The following NECAB1 variants were observed in gnomAD, a reference collection of about 807,000 sequenced individuals.
The protein encoded by NECAB1 is N-terminal EF-hand calcium binding protein 1, also known as N-terminal EF-hand calcium-binding protein 1.
In NECAB1, 29 loss-of-function variants were observed where a neutral mutation model predicts 57.5. The observed-to-expected ratio is 0.50, with a 90% CI of 0.38 to 0.69. NECAB1 has a LOEUF of 0.69. Ranked by LOEUF, NECAB1 falls within the 30% of genes least tolerant of loss-of-function variation. The pLI is 0.00. For synonymous variants in NECAB1, 142 were observed against 147.7 expected (o/e 0.96, Z 0.28); for missense variants, 372 against 413.8 (o/e 0.90, Z 0.88).
chr8:90,916,486 T>C (rs1459743132), intron 5 of NECAB1, among the ~76,000 whole-genome samples: 1 of 152,214 alleles, frequency 6.6e-6, no homozygotes, highest in Admixed American at 6.5e-5. Flanking sequence ...ATCCGTGGTA[T>C]TGTGTTATCA....
chr8:90,881,238 G>A (rs900397039), intron 5 of NECAB1, 108 bp downstream of exon 5: 10 of 739,046 alleles, frequency 1.4e-5, no homozygotes, highest in Non-Finnish European at 2.0e-5. Flanking sequence ...ATCACTGATA[G>A]TTTATTTTTC....
intron 3 of NECAB1, among the ~76,000 whole-genome samples, chr8:90,831,386 T>G (rs1028682404): frequency 3.9e-5 from 6 of 152,110 alleles, no homozygotes; most frequent in Non-Finnish European, 5.9e-5. Context: ...GCAGATCAAA[T>G]AACTGCTTAT....
chr8:90,904,705 T>TA lies in NECAB1; in HGVS notation c.358-12779dup, dbSNP rs542583334. ...GAAAATTAGCAGAGAAGACAAATAA[T>TA]AAAAAAAATTGTATATCTATAAACC... On this transcript the variant is annotated intron_variant, in intron 5 of 12. Coordinates refer to ENST00000417640, the MANE Select transcript of NECAB1 (RefSeq NM_022351.5). Among the ~76,000 whole-genome samples, 202 of 151,656 alleles carry TA rather than the reference T, an allele frequency of 1.3e-3. 2 individuals are homozygous for TA. Among genetic ancestry groups the TA allele is most frequent in the South Asian group, 7.9e-3 (38 of 4,822 alleles).
intron 3 of NECAB1, among the ~76,000 whole-genome samples, chr8:90,856,489 T>C (rs915926486): frequency 2.0e-5 from 3 of 152,188 alleles, no homozygotes; most frequent in African/African-American, 7.2e-5. Context: ...ATGGGCAACC[T>C]TCTTTAAACA....
At chr8:90,867,701 A>C (rs1808545895) in intron 3 of NECAB1, among the ~76,000 whole-genome samples, 1 of 152,238 alleles carries the variant, frequency 6.6e-6, no homozygotes. Flanking sequence ...ATACATTGTA[A>C]AATTATACAA....
chr8:90,798,294 A>T (rs540678366), intron 1 of NECAB1, among the ~76,000 whole-genome samples: 1 of 152,186 alleles, frequency 6.6e-6, no homozygotes, highest in African/African-American at 2.4e-5. Context: ...TTTTCTTTTT[A>T]TAACTTAAAG....
chr8:90,832,175 G>T (rs914056921), intron 3 of NECAB1, among the ~76,000 whole-genome samples: 53 of 152,128 alleles, frequency 3.5e-4, no homozygotes, highest in African/African-American at 1.2e-3. Context: ...CTTGCTTTGA[G>T]AATCTTTGAT....
chr8:90,880,371 T>A (rs1272056996), intron 4 of NECAB1, among the ~76,000 whole-genome samples: 2 of 152,148 alleles, frequency 1.3e-5, no homozygotes, highest in African/African-American at 4.8e-5. Flanking sequence ...TAGATTTCTA[T>A]AAGTAAATAT....
chr8:90,824,039 T>C (rs1242642201), intron 2 of NECAB1, among the ~76,000 whole-genome samples: 2 of 156 alleles, frequency 0.013, no homozygotes, highest in African/African-American at 0.05. Flanking sequence ...AAGAATCTTT[T>C]GTTACCCAAA....
intron 3 of NECAB1, among the ~76,000 whole-genome samples, chr8:90,841,827 G>A (rs1165081866): frequency 1.3e-5 from 2 of 152,222 alleles, no homozygotes; most frequent in African/African-American, 4.8e-5. Context: ...ATGGCATGAG[G>A]AGGCATCTCA....
chr8:90,821,521 TGCCTCCTA>T (rs374135838), intron 2 of NECAB1, among the ~76,000 whole-genome samples: 365 of 151,948 alleles, frequency 2.4e-3, no homozygotes, highest in African/African-American at 8.5e-3. Flanking sequence ...AGTCTTTTCT[TGCCTCCTA>T]GCCTTGTCAT....
intron 4 of NECAB1, 44 bp downstream of exon 4, chr8:90,872,197 G>A (rs1168556868): frequency 2.8e-6 from 4 of 1,440,284 alleles, no homozygotes; most frequent in African/African-American, 1.4e-5. Flanking sequence ...ACTTGCTTAA[G>A]AAGGAAAAAG....
intron 3 of NECAB1, among the ~76,000 whole-genome samples, chr8:90,834,164 CAAAAAAAAAA>C (rs71560282): frequency 6.1e-5 from 3 of 49,138 alleles, no homozygotes; most frequent in Non-Finnish European, 1.2e-4. Flanking sequence ...AACTGTGTCT[CAAAAAAAAAA>C]AAAAAAAAAA....
At chr8:90,925,814 G>A (rs556933495) in intron 7 of NECAB1, among the ~76,000 whole-genome samples, 158 bp downstream of exon 7, 2 of 152,328 alleles carry the variant, frequency 1.3e-5, no homozygotes, top group East Asian at 3.9e-4. Flanking sequence ...GTAGTATGAA[G>A]AACTGGGGTG....
intron 2 of NECAB1, among the ~76,000 whole-genome samples, chr8:90,802,580 A>G (rs550023286): frequency 5.3e-4 from 81 of 152,310 alleles, no homozygotes; most frequent in Admixed American, 1.4e-3. Flanking sequence ...CCATTTATCT[A>G]TGGGGAGAGA....
chr8:90,815,467 G>T (rs923909926), intron 2 of NECAB1, among the ~76,000 whole-genome samples: 2 of 151,940 alleles, frequency 1.3e-5, no homozygotes, highest in Non-Finnish European at 2.9e-5. Flanking sequence ...TTTGGCAAAT[G>T]CATGTTATAT....
chr8:90,852,957 C>A (rs1586059502), intron 3 of NECAB1, among the ~76,000 whole-genome samples: 1 of 152,344 alleles, frequency 6.6e-6, no homozygotes, highest in Middle Eastern at 3.4e-3. Flanking sequence ...GGAGGGCAGC[C>A]ACCTCATGCG....
rs758129781 is a variant in NECAB1 at position 90,881,177 on chromosome 8, A to G, written c.357+47A>G. 49 of 1,341,762 alleles carry G rather than the reference A, an allele frequency of 3.7e-5. No homozygotes were observed. In the Middle Eastern group the frequency reaches 5.6e-4, roughly 15 times the overall value. 83.1% of individuals were successfully genotyped at this position (1,341,762 alleles called of 1,614,324 possible). On this transcript the variant is annotated intron_variant, in intron 5 of 12. Transcript: ENST00000417640. ...TTTTCTATAAAAATCTCTTCTTTGA[A>G]AAAGATTTTTCTTGAAAATCATACC...
chr8:90,849,428 C>G (rs756584541), intron 3 of NECAB1, among the ~76,000 whole-genome samples: 1 of 150,590 alleles, frequency 6.6e-6, no homozygotes, highest in South Asian at 2.1e-4. Context: ...ATGATTGGGC[C>G]ACTGAACTCT....
Sources: allele counts gnomAD v4.1 joint callset (sites outside exome capture counted in the v4.1 genomes callset), GRCh38; gene constraint gnomAD v4.1.1; transcripts MANE v1.5; gene names NCBI Gene and HGNC (gene_info 2026-07-23, HGNC 2026-07-21).